Variants in ZNF521 observed in about 807,000 individuals in gnomAD.
ZNF521 encodes the protein LYST-interacting protein 3.
Under a neutral mutation model 105.5 loss-of-function variants are expected in ZNF521, and 14 were observed. That is an observed-to-expected ratio of 0.13 (90% CI 0.09 to 0.21). ZNF521 has a LOEUF of 0.21. Among genes scored for constraint, ZNF521 ranks in the 10% least tolerant of loss-of-function variants. ZNF521 has a pLI of 1.00. For synonymous variants in ZNF521, 635 were observed against 606.0 expected (o/e 1.05, Z -0.70); for missense variants, 1,233 against 1,629.7 (o/e 0.76, Z 4.19).
intron 5 of ZNF521, among the ~76,000 whole-genome samples, chr18:25,190,411 C>A (rs934308158): frequency 6.6e-6 from 1 of 152,084 alleles, no homozygotes; most frequent in East Asian, 1.9e-4. Flanking sequence ...CATTTCTATT[C>A]ATTCTTTTGA....
chr18:25,273,243 A>AAAAAAAAAAAAAAAAAAAAAC (rs1909797424), intron 3 of ZNF521, among the ~76,000 whole-genome samples: 1 of 140,900 alleles, frequency 7.1e-6, no homozygotes, highest in East Asian at 2.0e-4. Flanking sequence ...AAAAAAAAAA[A>AAAAAAAAAAAAAAAAAAAAAC]AAAAAAAAGA....
intron 3 of ZNF521, among the ~76,000 whole-genome samples, chr18:25,271,302 A>G (rs1379059688): frequency 3.3e-5 from 5 of 152,240 alleles, no homozygotes; most frequent in Non-Finnish European, 2.9e-5. Flanking sequence ...TTCCATGCTC[A>G]TGGTAGGAAG....
At chr18:25,160,964 T>A (rs1248412128) in intron 5 of ZNF521, among the ~76,000 whole-genome samples, 1 of 152,170 alleles carries the variant, frequency 6.6e-6, no homozygotes, top group Non-Finnish European at 1.5e-5. Context: ...GGACCCAGTC[T>A]GATACCTCCT....
In ZNF521 at chr18:25,183,569, T is replaced by C. The variant is rs1037024658; in HGVS notation, c.3658+11591A>G. Reference sequence around the variant, plus strand: ...CCAGTTCTCCAGCATCATTTTTACTTATGTGCTGCAAAAATGTCTTAAAAT... The same window carrying C: ...CCAGTTCTCCAGCATCATTTTTACTCATGTGCTGCAAAAATGTCTTAAAAT... On this transcript the variant is annotated intron_variant, in intron 5 of 7. Coordinates refer to ENST00000361524, the MANE Select transcript of ZNF521 (RefSeq NM_015461.3). 3.3e-5 allele frequency among the ~76,000 whole-genome samples: 5 copies of C among 152,236 alleles called. No homozygotes were observed. The East Asian group carries it at 9.6e-4, about 29-fold the overall frequency.
intron 4 of ZNF521, among the ~76,000 whole-genome samples, chr18:25,219,688 G>A (rs1905565574): frequency 6.6e-6 from 1 of 152,150 alleles, no homozygotes; most frequent in Non-Finnish European, 1.5e-5. Context: ...ATGGTGGCAT[G>A]AGCCTGTAGT....
intron 4 of ZNF521, among the ~76,000 whole-genome samples, chr18:25,218,211 A>G (rs912299842): frequency 1.3e-5 from 2 of 152,150 alleles, no homozygotes; most frequent in African/African-American, 2.4e-5. Flanking sequence ...TTTGTGTTTT[A>G]GATGGATGGT....
intron 5 of ZNF521, among the ~76,000 whole-genome samples, chr18:25,105,068 T>A (rs991170302): frequency 2.0e-5 from 3 of 152,116 alleles, no homozygotes; most frequent in Non-Finnish European, 2.9e-5. Flanking sequence ...TAGGACAGCA[T>A]GGGATTGATG....
intron 6 of ZNF521, among the ~76,000 whole-genome samples, chr18:25,090,438 G>A (rs1480218602): frequency 6.6e-6 from 1 of 152,110 alleles, no homozygotes; most frequent in East Asian, 1.9e-4. Context: ...TTGTTCTTGT[G>A]AGTCATACAT....
At chr18:25,170,212 G>C (rs2035422740) in intron 5 of ZNF521, among the ~76,000 whole-genome samples, 1 of 151,678 alleles carries the variant, frequency 6.6e-6, no homozygotes, top group Admixed American at 6.6e-5. Flanking sequence ...CAACCTTCTG[G>C]TTCCTATCTT....
At chr18:25,229,904 T>C (rs911649905) in intron 3 of ZNF521, among the ~76,000 whole-genome samples, 1 of 152,222 alleles carries the variant, frequency 6.6e-6, no homozygotes, top group African/African-American at 2.4e-5. Context: ...GCAGATTGTG[T>C]CCAGGTATGA....
intron 5 of ZNF521, among the ~76,000 whole-genome samples, chr18:25,110,838 C>T (rs1208452175): frequency 1.3e-5 from 2 of 151,970 alleles, no homozygotes; most frequent in Non-Finnish European, 1.5e-5. Flanking sequence ...TAGCTCACTA[C>T]AACCTCCTCC....
chr18:25,346,025 T>A (rs540796887), intron 2 of ZNF521, among the ~76,000 whole-genome samples: 2 of 152,280 alleles, frequency 1.3e-5, no homozygotes, highest in Non-Finnish European at 2.9e-5. Context: ...TCTTATTTTT[T>A]AAAAAACTTA....
At chr18:25,261,165 GC>G (rs2144894181) in intron 3 of ZNF521, among the ~76,000 whole-genome samples, 1 of 152,224 alleles carries the variant, frequency 6.6e-6, no homozygotes, top group African/African-American at 2.4e-5. Flanking sequence ...AACGTCAGCT[GC>G]ATCAGAGCAC....
intron 5 of ZNF521, among the ~76,000 whole-genome samples, chr18:25,105,416 G>A (rs2034052247): frequency 6.6e-6 from 1 of 152,226 alleles, no homozygotes; most frequent in South Asian, 2.1e-4. Context: ...AGATGTTGAA[G>A]GAAGTGTCTA....
chr18:25,231,327 G>A (rs981185734), intron 3 of ZNF521: 2 of 152,294 alleles, frequency 1.3e-5, no homozygotes, highest in Non-Finnish European at 2.9e-5. Context: ...GGTCTGTGTT[G>A]GAGGAGGACA....
At chr18:25,283,045 G>A (rs1222404453) in intron 3 of ZNF521, among the ~76,000 whole-genome samples, 1 of 152,240 alleles carries the variant, frequency 6.6e-6, no homozygotes, top group Non-Finnish European at 1.5e-5. Flanking sequence ...CCTGCTTTGT[G>A]CAGGAAGCAG....
intron 5 of ZNF521, among the ~76,000 whole-genome samples, chr18:25,105,736 G>T (rs1289319264): frequency 6.6e-6 from 1 of 152,240 alleles, no homozygotes; most frequent in East Asian, 1.9e-4. Flanking sequence ...TATGGATTTA[G>T]ATTCCAGATT....
At position 25,322,553 on chromosome 18, in the gene ZNF521, A is replaced by AC. The variant is rs71375177; in HGVS notation, c.41-367dup. Among the ~76,000 whole-genome samples the AC allele has an allele frequency of 5.0e-4, 61 of 122,236 alleles. 1 individual carries two copies. Among genetic ancestry groups the AC allele is most frequent in the South Asian group, 1.0e-3 (4 of 3,898 alleles). The allele number at this position is 122,236 out of a possible 152,430, so 80.2% of individuals were successfully genotyped here. On this transcript the variant is annotated intron_variant, in intron 2 of 7. Coordinates refer to ENST00000361524, the MANE Select transcript of ZNF521 (RefSeq NM_015461.3). ...TCCAATGCAAAAAAAAAAAAAAAAA[A>AC]CCCCCCCACTGTGCTTAAGAATGAA...
intron 7 of ZNF521, among the ~76,000 whole-genome samples, chr18:25,085,068 G>C (rs914808230): frequency 1.3e-5 from 2 of 152,046 alleles, no homozygotes; most frequent in Non-Finnish European, 2.9e-5. Context: ...AATGTTCATT[G>C]AGTTGAAATA....
Sources: allele counts gnomAD v4.1 joint callset (sites outside exome capture counted in the v4.1 genomes callset), GRCh38; gene constraint gnomAD v4.1.1; transcripts MANE v1.5; gene names NCBI Gene and HGNC (gene_info 2026-07-23, HGNC 2026-07-21).